MICOS10: variants seen among roughly 807,000 people sequenced by gnomAD.
MICOS10 encodes MICOS complex subunit MIC10.
In MICOS10, 5 loss-of-function variants were observed where a neutral mutation model predicts 13.4. That is an observed-to-expected ratio of 0.37 (90% CI 0.20 to 0.78). The LOEUF is 0.78. Ranked by LOEUF, MICOS10 falls within the 30% of genes least tolerant of loss-of-function variation. MICOS10 has a pLI of 0.47. For synonymous variants in MICOS10, 35 were observed against 33.6 expected (o/e 1.04, Z -0.15); for missense variants, 101 against 94.6 (o/e 1.07, Z -0.28).
chr1:19,604,286 C>T (rs767223467), intron 1 of MICOS10, among the ~76,000 whole-genome samples: 3 of 152,060 alleles, frequency 2.0e-5, no homozygotes, highest in Non-Finnish European at 4.4e-5. Flanking sequence ...GTGGGTGGAT[C>T]GCTTGAGGCC....
At chr1:19,609,421 T>C (rs781148730) in intron 1 of MICOS10, among the ~76,000 whole-genome samples, 15 of 152,220 alleles carry the variant, frequency 9.9e-5, no homozygotes, top group Non-Finnish European at 1.9e-4. Flanking sequence ...AGAACCACTT[T>C]GGAACACTGT....
Position 19,627,503 on chromosome 1 carries a change from T to A in MICOS10, c.*1102T>A, listed in dbSNP as rs2094925820. The A allele has an allele frequency of 6.6e-6, 1 of 152,084 alleles. No homozygotes were observed. The highest frequency in any genetic ancestry group is 2.4e-5 in the African/African-American group (1 of 41,390). 9.4% of individuals were successfully genotyped at this position (152,084 alleles called of 1,614,324 possible). A position where few individuals can be genotyped will look rare whatever the true frequency, so the allele number is the denominator to read the frequency against. The stretch of plus-strand genomic sequence containing the variant: ...TGCAAACACAACTCTGAAAGAAGTG[T>A]TTTAATGGAGAAGAGAGGTGTAGGC... On this transcript the variant is annotated 3_prime_UTR_variant, in exon 4 of 4. Coordinates refer to ENST00000322753, the MANE Select transcript of MICOS10 (RefSeq NM_001032363.4).
intron 2 of MICOS10, 121 bp downstream of exon 2, chr1:19,622,268 G>A (rs2094906373): frequency 4.7e-6 from 3 of 642,418 alleles, no homozygotes; most frequent in African/African-American, 3.8e-5. Context: ...TCCATTTATG[G>A]GGTTAGGTAG....
chr1:19,622,079 G>GT (rs144510765), intron 1 of MICOS10, 21 bp from the exon 2 acceptor site: 11 of 1,599,266 alleles, frequency 6.9e-6, no homozygotes, highest in South Asian at 2.2e-5. Context: ...GATTTAGCAT[G>GT]TTTTTTCTCC....
intron 1 of MICOS10, among the ~76,000 whole-genome samples, chr1:19,600,057 C>T (rs1177105636): frequency 6.6e-6 from 1 of 151,690 alleles, no homozygotes; most frequent in Non-Finnish European, 1.5e-5. Flanking sequence ...AGGGAATTGA[C>T]GTAATATATT....
At position 19,605,619 on chromosome 1, in the gene MICOS10, T is replaced by C. The variant is rs151285482; in HGVS notation, c.64+8510T>C. On this transcript the variant is annotated intron_variant, in intron 1 of 3. Transcript: ENST00000322753. ...TTTTTTGTTACCAAATAATGTTGTG[T>C]GGTGTATTTGTACTACATCTTGTTT... 3.9e-4 allele frequency among the ~76,000 whole-genome samples: 59 copies of C among 152,390 alleles called. 1 individual carries two copies. The highest frequency in any genetic ancestry group is 1.2e-3 in the African/African-American group (50 of 41,604).
At chr1:19,617,992 A>T (rs2100311118) in intron 1 of MICOS10, among the ~76,000 whole-genome samples, 1 of 152,204 alleles carries the variant, frequency 6.6e-6, no homozygotes, top group Non-Finnish European at 1.5e-5. Flanking sequence ...AATGAAATAC[A>T]GTCAACTGTG....
At chr1:19,601,957 A>G (rs1558336889) in intron 1 of MICOS10, among the ~76,000 whole-genome samples, 1 of 152,294 alleles carries the variant, frequency 6.6e-6, no homozygotes, top group Non-Finnish European at 1.5e-5. Flanking sequence ...TAGTTCATCT[A>G]TAAAGTTTGA....
intron 3 of MICOS10, 135 bp downstream of exon 3, chr1:19,623,718 C>G (rs959761008): frequency 1.7e-5 from 11 of 635,052 alleles, no homozygotes; most frequent in Admixed American, 2.8e-5. Context: ...ACTAATTGCT[C>G]TTTGGCCTTC....
At chr1:19,608,105 C>T (rs753254436) in intron 1 of MICOS10, 19 of 962,022 alleles carry the variant, frequency 2.0e-5, no homozygotes, top group Non-Finnish European at 2.6e-5. Context: ...CTGGAGACGA[C>T]GTGCAGAAAT....
chr1:19,611,697 C>T (rs998902224), intron 1 of MICOS10, among the ~76,000 whole-genome samples: 1 of 151,728 alleles, frequency 6.6e-6, no homozygotes, highest in Non-Finnish European at 1.5e-5. Flanking sequence ...TAAGGCCAGG[C>T]GCGATGGCTC....
At chr1:19,613,766 A>G (rs1479601175) in intron 1 of MICOS10, among the ~76,000 whole-genome samples, 1 of 152,192 alleles carries the variant, frequency 6.6e-6, no homozygotes, top group Non-Finnish European at 1.5e-5. Context: ...TGGGTTTAAA[A>G]TGTATTATAA....
rs1445479141 is a variant in MICOS10 at position 19,628,140 on chromosome 1, GC to G, written c.*1740del. On this transcript the variant is annotated 3_prime_UTR_variant, in exon 4 of 4. Coordinates refer to ENST00000322753, the MANE Select transcript of MICOS10 (RefSeq NM_001032363.4). ...TTGCCCAGGCTGGAGTGCAATGGTG[GC>G]GATCTCGGCCTGCTGCAACCTCCGC... 2.6e-5 allele frequency: 4 copies of G among 151,452 alleles called. No individual in the cohort carries two copies. Among genetic ancestry groups the G allele is most frequent in the African/African-American group, 9.7e-5 (4 of 41,166 alleles). 9.4% of individuals were successfully genotyped at this position (151,452 alleles called of 1,614,324 possible). A position where few individuals can be genotyped will look rare whatever the true frequency, so the allele number is the denominator to read the frequency against.
chr1:19,607,097 C>T (rs2094837931), intron 1 of MICOS10, among the ~76,000 whole-genome samples: 1 of 152,234 alleles, frequency 6.6e-6, no homozygotes, highest in African/African-American at 2.4e-5. Context: ...TTAAATACTT[C>T]AAATGCTTTT....
chr1:19,605,891 G>T (rs1402718888), intron 1 of MICOS10, among the ~76,000 whole-genome samples: 1 of 152,086 alleles, frequency 6.6e-6, no homozygotes, highest in East Asian at 1.9e-4. Context: ...ATCTCTCTTG[G>T]ATATATACCT....
chr1:19,612,820 T>C (rs1022068992), intron 1 of MICOS10, among the ~76,000 whole-genome samples: 2 of 152,202 alleles, frequency 1.3e-5, no homozygotes, highest in Non-Finnish European at 2.9e-5. Context: ...TTCAACACCT[T>C]TTCAGATGCT....
intron 1 of MICOS10, among the ~76,000 whole-genome samples, chr1:19,618,112 CTT>C (rs113033580): frequency 7.2e-6 from 1 of 138,226 alleles, no homozygotes. Flanking sequence ...TTATACTACA[CTT>C]TTTTTTTTTT....
chr1:19,622,157 ACT>A lies in MICOS10; in HGVS notation c.112+13_112+14del, dbSNP rs2094905961. ...CTTACCTTCTTTAAAAGTAAGTGTCACTCTGTCTTTTCAACATAATGTCATAG... is the reference window on the plus strand; with the variant it reads ...CTTACCTTCTTTAAAAGTAAGTGTCACTGTCTTTTCAACATAATGTCATAG... On this transcript the variant is annotated intron_variant, in intron 2 of 3. Transcript: ENST00000322753. The A allele has an allele frequency of 6.2e-7, 1 of 1,604,332 alleles. No homozygotes were observed. Among genetic ancestry groups the A allele is most frequent in the African/African-American group, 1.3e-5 (1 of 74,676 alleles).
chr1:19,625,930 G>A (rs2094920436), intron 3 of MICOS10, among the ~76,000 whole-genome samples: 1 of 152,108 alleles, frequency 6.6e-6, no homozygotes, highest in South Asian at 2.1e-4. Flanking sequence ...TCTGCCCCCA[G>A]GACCATCCTG....
Sources: gnomAD v4.1 joint callset for allele counts (sites outside exome capture counted in the v4.1 genomes callset) on GRCh38, gnomAD v4.1.1 for gene constraint, MANE v1.5 for transcripts, NCBI Gene and HGNC (gene_info 2026-07-23, HGNC 2026-07-21) for gene names.